Variants in TMPO observed in about 807,000 individuals in gnomAD.
The protein encoded by TMPO is thymopoietin.
TMPO carries 22 observed loss-of-function variants against 45.4 expected under a neutral mutation model. The observed-to-expected ratio is 0.48, with a 90% CI of 0.35 to 0.69. The LOEUF is 0.69. TMPO is among the 30% of genes least tolerant of loss of function. TMPO has a pLI of 0.01. For missense variants in TMPO, 512 were observed against 548.8 expected, an observed-to-expected ratio of 0.93 and a Z score of 0.67; for synonymous variants, 241 against 204.1, an observed-to-expected ratio of 1.18 and a Z score of -1.54.
Position 98,527,936 on chromosome 12 carries a change from A to C in TMPO, c.330A>C (p.Leu110=). ...CCAGACAAGAAGATAAAGATGATCT[A>C]GATGTAACAGAGCTCACTAATGAAG... The part of the protein sequence containing the change: ...DKPRQEDKDD[L]DVTELTNEDL... Residue 110 remains leucine, a synonymous_variant, in exon 2 of 9, where the codon CTA becomes CTC. Transcript: ENST00000556029. 6.2e-7 allele frequency: 1 copy of C among 1,613,928 alleles called. No individual in the cohort carries two copies. The highest frequency in any genetic ancestry group is 8.5e-7 in the Non-Finnish European group (1 of 1,179,876).
rs373861992 is a variant in TMPO, at chr12:98,533,662, C to G, written c.565+1824C>G. ...TGCCAAAACTGTTGTCTCTCATTCA[C>G]TCACTACCTTAGGTCTAGAAGTGGC... On this transcript the variant is annotated intron_variant, in intron 3 of 8. Transcript: ENST00000556029. 71 of 1,614,082 alleles carry G rather than the reference C, an allele frequency of 4.4e-5. No homozygotes were observed. Among genetic ancestry groups the G allele is most frequent in the African/African-American group, 6.7e-5 (5 of 74,930 alleles).
At chr12:98,535,227 T>C in intron 3 of TMPO, 1 of 984,092 alleles carries the variant, frequency 1.0e-6, no homozygotes, top group Non-Finnish European at 1.2e-6. Flanking sequence ...TGATATATTG[T>C]ATTTTGTGGA....
At chr12:98,538,811 G>A (rs1877728227) in intron 4 of TMPO, among the ~76,000 whole-genome samples, 1 of 152,184 alleles carries the variant, frequency 6.6e-6, no homozygotes. Flanking sequence ...TTGAATGAAT[G>A]AAGACTTTGT....
chr12:98,541,670 A>C (rs1228918102), intron 4 of TMPO, among the ~76,000 whole-genome samples: 1 of 152,102 alleles, frequency 6.6e-6, no homozygotes, highest in Admixed American at 6.5e-5. Context: ...TTGTTCTCTA[A>C]TGCTAGGATT....
At chr12:98,537,721 T>C (rs1877660320) in intron 4 of TMPO, 149 bp downstream of exon 4, 1 of 755,486 alleles carries the variant, frequency 1.3e-6, no homozygotes, top group East Asian at 2.7e-5. Context: ...AAATCTAAAC[T>C]TTGTGGGTTT....
chr12:98,532,305 T>C, intron 3 of TMPO: 1 of 162,322 alleles, frequency 6.2e-6, no homozygotes, highest in Non-Finnish European at 1.3e-5. Context: ...ACTTGCTTTT[T>C]CTTACTCCAT....
intron 4 of TMPO, among the ~76,000 whole-genome samples, chr12:98,543,857 A>G (rs1878065742): frequency 1.3e-5 from 2 of 152,192 alleles, no homozygotes. Context: ...ATAATAGATG[A>G]CTTTTTTCTA....
In TMPO at chr12:98,534,230, G is replaced by A; in HGVS notation, c.565+2392G>A. 1 of 1,613,844 alleles carries A rather than the reference G, an allele frequency of 6.2e-7. No homozygotes were observed. Among genetic ancestry groups the A allele is most frequent in the Non-Finnish European group, 8.5e-7 (1 of 1,179,912 alleles). Reference sequence around the variant, plus strand: ...CGTCGATACCTCTGGCTGAAGGATTGCAAAATTAATTTAGCTTCTAAGAAT... The same window carrying A: ...CGTCGATACCTCTGGCTGAAGGATTACAAAATTAATTTAGCTTCTAAGAAT... On this transcript the variant is annotated intron_variant, in intron 3 of 8. Transcript: ENST00000556029.
chr12:98,520,492 A>T (rs1295062344), intron 1 of TMPO, among the ~76,000 whole-genome samples: 1 of 151,534 alleles, frequency 6.6e-6, no homozygotes, highest in Non-Finnish European at 1.5e-5. Context: ...TTTTTAGTAG[A>T]GACAAGGTTT....
intron 2 of TMPO, among the ~76,000 whole-genome samples, chr12:98,529,906 G>A (rs745773939): frequency 6.6e-6 from 1 of 152,094 alleles, no homozygotes; most frequent in Non-Finnish European, 1.5e-5. Context: ...GATTTGGTAG[G>A]TTTTGCTATA....
At position 98,541,955 on chromosome 12, in the gene TMPO, TC is replaced by T. The variant is rs1287376225; in HGVS notation, c.664-2274del. On this transcript the variant is annotated intron_variant, in intron 4 of 8. Coordinates refer to ENST00000556029, the MANE Select transcript of TMPO (RefSeq NM_001032283.3). ...ATCACTCCATATCGGAACGTAGCCA[TC>T]TTCCTCATTGCTTTGTACAACTGCA... is the stretch of plus-strand genomic sequence containing the variant. Among the ~76,000 whole-genome samples the T allele has an allele frequency of 3.9e-5, 6 of 152,348 alleles. No individual in the cohort carries two copies. In the East Asian group the frequency reaches 1.2e-3, roughly 29 times the overall value.
intron 2 of TMPO, among the ~76,000 whole-genome samples, chr12:98,530,697 C>T (rs1374174363): frequency 6.6e-6 from 1 of 152,004 alleles, no homozygotes; most frequent in Non-Finnish European, 1.5e-5. Context: ...TTTTCTTTTC[C>T]CCATAACTGA....
At position 98,533,108 on chromosome 12, in the gene TMPO, A is replaced by G. The variant is rs776049246; in HGVS notation, c.565+1270A>G. On this transcript the variant is annotated intron_variant, in intron 3 of 8. Transcript: ENST00000556029. ...TTGTTTATTTCATGCAAGTCTAGCC[A>G]TGATAGGTGTTTAGAGAAAAGTTCT... is the stretch of plus-strand genomic sequence containing the variant. The G allele has an allele frequency of 4.3e-6, 7 of 1,614,154 alleles. No individual in the cohort carries two copies. Among genetic ancestry groups the G allele is most frequent in the Non-Finnish European group, 5.9e-6 (7 of 1,180,012 alleles).
intron 4 of TMPO, among the ~76,000 whole-genome samples, chr12:98,543,673 G>A (rs1878057605): frequency 6.6e-6 from 1 of 152,124 alleles, no homozygotes; most frequent in South Asian, 2.1e-4. Flanking sequence ...ACCTAATTTT[G>A]TATCTGTTTC....
At chr12:98,518,609 A>G (rs1333197251) in intron 1 of TMPO, among the ~76,000 whole-genome samples, 1 of 151,726 alleles carries the variant, frequency 6.6e-6, no homozygotes, top group Non-Finnish European at 1.5e-5. Flanking sequence ...CACAGAAACA[A>G]CCATCTCAGT....
Position 98,546,342 on chromosome 12 carries a change from T to G in TMPO, c.991-17T>G, listed in dbSNP as rs773412946. The G allele has an allele frequency of 8.4e-6, 13 of 1,543,492 alleles. No homozygotes were observed. The Admixed American group carries it at 2.2e-4, about 26-fold the overall frequency. Reference sequence around the variant, plus strand: ...AAATTTTAACTTGTGGTTGTTTGTTTGTCTGTTTCTTATTAGGTGGGAGAA... The same window carrying G: ...AAATTTTAACTTGTGGTTGTTTGTTGGTCTGTTTCTTATTAGGTGGGAGAA... On this transcript the variant is annotated splice_polypyrimidine_tract_variant and intron_variant, in intron 7 of 8. Transcript: ENST00000556029.
chr12:98,546,396 A>T lies in TMPO; in HGVS notation c.1028A>T (p.Asp343Val). The T allele has an allele frequency of 6.2e-7, 1 of 1,613,042 alleles. No individual in the cohort carries two copies. The highest frequency in any genetic ancestry group is 8.5e-7 in the Non-Finnish European group (1 of 1,179,072). The change falls in exon 8 of 9, where the codon GAT becomes GTT. Residue 343 changes from aspartate (D) to valine (V), a missense_variant. By Grantham distance (152) the Asp-to-Val change is radical. This residue lies in a region of TMPO where 209 missense variants were observed against 235.1 expected (regional missense o/e 0.89). Transcript: ENST00000556029. ...EKTEERRVERDILKEMFPYEA... is the reference protein window; with the variant it reads ...EKTEERRVERVILKEMFPYEA... ...ACAGAGGAAAGAAGAGTAGAAAGGGATATTCTTAAGGAAATGTTCCCCTAT... is the reference window on the plus strand; with the variant it reads ...ACAGAGGAAAGAAGAGTAGAAAGGGTTATTCTTAAGGAAATGTTCCCCTAT...
At chr12:98,537,706 A>G in intron 4 of TMPO, 134 bp downstream of exon 4, 1 of 792,480 alleles carries the variant, frequency 1.3e-6, no homozygotes, top group Non-Finnish European at 2.1e-6. Context: ...GTTAAATGAT[A>G]CTAAAAATCT....
chr12:98,532,245 T>A, intron 3 of TMPO: 1 of 165,842 alleles, frequency 6.0e-6, no homozygotes, highest in Admixed American at 5.9e-5. Context: ...TGGTATTATT[T>A]TATACTTTAA....
Sources: gnomAD v4.1 joint callset for allele counts (sites outside exome capture counted in the v4.1 genomes callset) on GRCh38, gnomAD v4.1.1 for gene constraint, gnomAD v4.1.1 regional missense constraint, MANE v1.5 for transcripts, NCBI Gene and HGNC (gene_info 2026-07-23, HGNC 2026-07-21) for gene names.